The following SORCS1 variants were observed in gnomAD, a reference collection of about 807,000 sequenced individuals.
The protein encoded by SORCS1 is VPS10 domain-containing receptor SorCS1.
Under a neutral mutation model 146.1 loss-of-function variants are expected in SORCS1, and 60 were observed. That is an observed-to-expected ratio of 0.41 (90% CI 0.33 to 0.51). The LOEUF is 0.51. Among genes scored for constraint, SORCS1 ranks in the 20% least tolerant of loss-of-function variants. The pLI is 0.21. For missense variants in SORCS1, 1,352 were observed against 1,487.6 expected, an observed-to-expected ratio of 0.91 and a Z score of 1.50; for synonymous variants, 637 against 584.0, an observed-to-expected ratio of 1.09 and a Z score of -1.31.
At chr10:107,134,333 A>G in intron 1 of SORCS1, among the ~76,000 whole-genome samples, 1 of 152,188 alleles carries the variant, frequency 6.6e-6, no homozygotes, top group Non-Finnish European at 1.5e-5. Flanking sequence ...ACTAAAGTGA[A>G]TAATTTAAGA....
At chr10:107,023,723 T>C (rs1162707923) in intron 1 of SORCS1, among the ~76,000 whole-genome samples, 3 of 151,764 alleles carry the variant, frequency 2.0e-5, no homozygotes, top group Non-Finnish European at 4.4e-5. Context: ...CAAGGAAAAA[T>C]AGAGGAATTT....
intron 1 of SORCS1, among the ~76,000 whole-genome samples, chr10:107,142,555 T>C (rs1967936840): frequency 6.6e-6 from 1 of 152,214 alleles, no homozygotes; most frequent in African/African-American, 2.4e-5. Context: ...CTCAGAAGAT[T>C]TATCCACAGT....
In SORCS1 at chr10:106,767,483, A is replaced by T. The variant is rs113350502; in HGVS notation, c.886-5822T>A. Among the ~76,000 whole-genome samples, 1,423 of 151,852 alleles carry T rather than the reference A, an allele frequency of 9.4e-3. 22 individuals are homozygous for T. Among genetic ancestry groups the T allele is most frequent in the African/African-American group, 0.032 (1,333 of 41,482 alleles). On this transcript the variant is annotated intron_variant, in intron 4 of 25. Transcript: ENST00000263054. ...AAATCTTGGCCTTAAAGATTCTTAT[A>T]TATTTATTTATTTATTTATTTTTGA...
intron 1 of SORCS1, among the ~76,000 whole-genome samples, chr10:107,036,144 G>A (rs1333230663): frequency 1.3e-5 from 2 of 151,860 alleles, no homozygotes; most frequent in Non-Finnish European, 2.9e-5. Flanking sequence ...ATGTGAAAAT[G>A]TTTTAACACT....
rs1564702556 is a variant in SORCS1, at chr10:106,825,049, C to CA, written c.726+4524_726+4525insT. On this transcript the variant is annotated intron_variant, in intron 3 of 25. Transcript: ENST00000263054. The stretch of plus-strand genomic sequence containing the variant: ...CCAAGTAAAAAACCAAAACAAAACA[C>CA]TTTTTTTTCCTTTTATTCCCCAGTG... Among the ~76,000 whole-genome samples, 6 of 151,936 alleles carry CA rather than the reference C, an allele frequency of 3.9e-5. No homozygotes were observed. The South Asian group carries it at 1.0e-3, about 26-fold the overall frequency.
intron 2 of SORCS1, among the ~76,000 whole-genome samples, chr10:106,884,615 T>G (rs1313993466): frequency 2.0e-5 from 3 of 152,176 alleles, no homozygotes; most frequent in Non-Finnish European, 4.4e-5. Context: ...TTCTAACATT[T>G]GTCAGTTAAA....
intron 3 of SORCS1, among the ~76,000 whole-genome samples, chr10:106,792,218 A>G (rs935302092): frequency 1.3e-5 from 2 of 152,248 alleles, no homozygotes; most frequent in African/African-American, 4.8e-5. Context: ...AAGAAATTAG[A>G]AACTCTAAAC....
At chr10:106,867,376 C>T (rs1242350146) in intron 2 of SORCS1, among the ~76,000 whole-genome samples, 1 of 151,916 alleles carries the variant, frequency 6.6e-6, no homozygotes, top group Non-Finnish European at 1.5e-5. Context: ...GTTCTGCCTC[C>T]CAGGTTCATG....
chr10:107,057,365 AATTG>A (rs749149695), intron 1 of SORCS1, among the ~76,000 whole-genome samples: 1 of 152,206 alleles, frequency 6.6e-6, no homozygotes, highest in Non-Finnish European at 1.5e-5. Context: ...TAGAGAAAGG[AATTG>A]ATTAAGATAA....
chr10:107,070,506 C>T (rs1370007261), intron 1 of SORCS1, among the ~76,000 whole-genome samples: 2 of 152,134 alleles, frequency 1.3e-5, no homozygotes, highest in South Asian at 4.1e-4. Context: ...CTAAGTGTCA[C>T]GCACTTATCC....
At chr10:107,064,481 A>G (rs1255630846) in intron 1 of SORCS1, among the ~76,000 whole-genome samples, 1 of 152,180 alleles carries the variant, frequency 6.6e-6, no homozygotes, top group Non-Finnish European at 1.5e-5. Flanking sequence ...CAGAGGTGAT[A>G]ACCAGTAAAG....
At chr10:107,079,602 G>C (rs991366881) in intron 1 of SORCS1, among the ~76,000 whole-genome samples, 1 of 152,162 alleles carries the variant, frequency 6.6e-6, no homozygotes, top group Non-Finnish European at 1.5e-5. Flanking sequence ...GCTAGAGGCT[G>C]GGATGTCAGC....
chr10:107,041,630 T>C (rs1959158922), intron 1 of SORCS1, among the ~76,000 whole-genome samples: 1 of 152,140 alleles, frequency 6.6e-6, no homozygotes, highest in African/African-American at 2.4e-5. Flanking sequence ...CCCATGGTTT[T>C]TAAACATTTT....
intron 2 of SORCS1, among the ~76,000 whole-genome samples, chr10:106,911,683 T>C (rs1041381688): frequency 6.6e-6 from 1 of 152,182 alleles, no homozygotes; most frequent in African/African-American, 2.4e-5. Flanking sequence ...CTTACACCAG[T>C]GGTTCTCAAC....
intron 23 of SORCS1, among the ~76,000 whole-genome samples, 178 bp from the exon 24 acceptor site, chr10:106,597,628 G>A (rs1845983201): frequency 6.6e-6 from 1 of 152,060 alleles, no homozygotes; most frequent in East Asian, 1.9e-4. Context: ...TTATTTTTAA[G>A]CATGACCTGT....
intron 2 of SORCS1, among the ~76,000 whole-genome samples, chr10:106,884,130 C>T (rs1950909487): frequency 6.6e-6 from 1 of 152,144 alleles, no homozygotes; most frequent in Non-Finnish European, 1.5e-5. Flanking sequence ...CTCTCTCCTT[C>T]TTTCTTTCTC....
intron 4 of SORCS1, among the ~76,000 whole-genome samples, chr10:106,762,898 G>A (rs10509818): frequency 0.22 from 33,813 of 151,898 alleles, 4,229 homozygotes; most frequent in Non-Finnish European, 0.29. Flanking sequence ...CTCTCAGCAT[G>A]TCCTGAACAC....
At chr10:106,948,246 G>C (rs917776220) in intron 2 of SORCS1, among the ~76,000 whole-genome samples, 1 of 151,050 alleles carries the variant, frequency 6.6e-6, no homozygotes, top group Non-Finnish European at 1.5e-5. Flanking sequence ...TATCAGGAAA[G>C]CTGAATCTAG....
At chr10:106,669,690 C>T (rs1295649918) in intron 16 of SORCS1, among the ~76,000 whole-genome samples, 1 of 152,184 alleles carries the variant, frequency 6.6e-6, no homozygotes, top group East Asian at 1.9e-4. Context: ...CTGAAGATTT[C>T]GATGATTTGA....
Sources: allele counts gnomAD v4.1 joint callset (sites outside exome capture counted in the v4.1 genomes callset), GRCh38; gene constraint gnomAD v4.1.1; transcripts MANE v1.5; gene names NCBI Gene and HGNC (gene_info 2026-07-23, HGNC 2026-07-21).